The following TAF4 variants were observed in gnomAD, a reference collection of about 807,000 sequenced individuals.
TAF4 encodes transcription initiation factor TFIID subunit 4.
Under a neutral mutation model 90.3 loss-of-function variants are expected in TAF4, and 9 were observed. The observed-to-expected ratio is 0.10, with a 90% CI of 0.06 to 0.17. The LOEUF (loss-of-function observed/expected upper bound fraction) is 0.17, where lower values mean the gene tolerates loss of function less well. Among genes scored for constraint, TAF4 ranks in the 10% least tolerant of loss-of-function variants. TAF4 has a pLI of 1.00. For synonymous variants in TAF4, 818 were observed against 638.9 expected (o/e 1.28, Z -4.23); for missense variants, 1,351 against 1,370.7 (o/e 0.99, Z 0.23).
intron 14 of TAF4, among the ~76,000 whole-genome samples, chr20:61,985,946 C>CACCATCCCCAACCAAAGGAAA (rs1568922322): frequency 9.0e-6 from 1 of 111,054 alleles, no homozygotes; most frequent in Non-Finnish European, 1.9e-5. Flanking sequence ...ACCAAAGGAA[C>CACCATCCCCAACCAAAGGAAA]CACCATCCCC....
intron 1 of TAF4, among the ~76,000 whole-genome samples, chr20:62,043,638 C>T (rs1195742691): frequency 6.6e-6 from 1 of 152,110 alleles, no homozygotes; most frequent in Non-Finnish European, 1.5e-5. Context: ...TCTTTTATCC[C>T]CTAGTTTTAC....
At chr20:61,991,423 CA>C (rs2055630651) in intron 14 of TAF4, among the ~76,000 whole-genome samples, 1 of 146,528 alleles carries the variant, frequency 6.8e-6, no homozygotes, top group Non-Finnish European at 1.5e-5. Context: ...GACTCTGTCT[CA>C]AAAAATAAAA....
intron 14 of TAF4, among the ~76,000 whole-genome samples, chr20:61,987,023 G>A (rs1276553410): frequency 6.6e-6 from 1 of 152,148 alleles, no homozygotes; most frequent in Non-Finnish European, 1.5e-5. Context: ...CAGAGAAAAA[G>A]AGTAACTCGA....
Position 62,000,208 on chromosome 20 carries a change from A to G in TAF4, c.2703T>C (p.Tyr901=), listed in dbSNP as rs201337718. The part of the protein sequence containing the change: ...ITELHPDVVS[Y]VSHATQQRLQ... ...GCCTTTGTTGCGTGGCATGTGATAC[A>G]TAACTTACTACATCTGGATGTAATT... is the stretch of plus-strand genomic sequence containing the variant. The change falls in exon 11 of 15, where the codon TAT becomes TAC. Residue 901 remains tyrosine (Y), a synonymous_variant. Coordinates refer to ENST00000252996, the MANE Select transcript of TAF4 (RefSeq NM_003185.4). 18 of 1,614,262 alleles carry G rather than the reference A, an allele frequency of 1.1e-5. No homozygotes were observed. Among genetic ancestry groups the G allele is most frequent in the Non-Finnish European group, 1.4e-5 (17 of 1,180,036 alleles).
In TAF4 at chr20:61,997,665, T is replaced by A; in HGVS notation, c.2975A>T (p.Gln992Leu). The change falls in exon 14 of 15, where the codon CAG (glutamine) becomes CTG (leucine). Residue 992 changes from glutamine (Q) to leucine (L), a missense_variant. Gln to Leu is a moderately radical substitution (Grantham distance 113). Transcript: ENST00000252996. The part of the protein sequence containing the change: ...LRLKQKAKEM[Q>L]QQELAQMRQR... Reference sequence around the variant, plus strand: ...TCTCATTTGTGCCAGTTCCTGTTGCTGCATCTTTTATTTTGAAAAGGAGAC... The same window carrying A: ...TCTCATTTGTGCCAGTTCCTGTTGCAGCATCTTTTATTTTGAAAAGGAGAC... 1 of 1,610,674 alleles carries A rather than the reference T, an allele frequency of 6.2e-7. No homozygotes were observed. Among genetic ancestry groups the A allele is most frequent in the South Asian group, 1.1e-5 (1 of 90,188 alleles).
At chr20:62,064,153 C>T (rs1027544308) in intron 1 of TAF4, among the ~76,000 whole-genome samples, 2 of 152,236 alleles carry the variant, frequency 1.3e-5, no homozygotes, top group Non-Finnish European at 2.9e-5. Context: ...AGGTAAGGAC[C>T]ACTCCACTAA....
intron 1 of TAF4, among the ~76,000 whole-genome samples, chr20:62,029,427 T>C (rs1016179479): frequency 7.2e-5 from 11 of 151,976 alleles, no homozygotes; most frequent in Admixed American, 6.5e-4. Context: ...CAGAAGCCCT[T>C]CGAAGGGAGC....
intron 11 of TAF4, 101 bp from the exon 12 acceptor site, chr20:61,999,209 T>A (rs2055682628): frequency 6.8e-7 from 1 of 1,463,704 alleles, no homozygotes; most frequent in African/African-American, 1.4e-5. Flanking sequence ...ACGCCCTCCC[T>A]CCGTCCAGTC....
intron 1 of TAF4, among the ~76,000 whole-genome samples, chr20:62,052,823 A>G (rs1189025190): frequency 9.2e-5 from 10 of 108,898 alleles, no homozygotes; most frequent in Non-Finnish European, 1.9e-4. Flanking sequence ...ACAGTACCAG[A>G]TCCCTCGCGC....
chr20:62,003,065 G>T, intron 9 of TAF4, 95 bp downstream of exon 9: 1 of 1,057,412 alleles, frequency 9.5e-7, no homozygotes, highest in Non-Finnish European at 1.4e-6. Flanking sequence ...AGGGCCACGT[G>T]GGAAAGACCC....
intron 1 of TAF4, among the ~76,000 whole-genome samples, chr20:62,048,278 G>A (rs1240015495): frequency 6.6e-6 from 1 of 152,196 alleles, no homozygotes; most frequent in Non-Finnish European, 1.5e-5. Context: ...AAACCAAGAG[G>A]CAGCCCAGCC....
intron 1 of TAF4, among the ~76,000 whole-genome samples, chr20:62,062,475 G>C (rs1229642317): frequency 1.3e-5 from 2 of 152,062 alleles, no homozygotes; most frequent in African/African-American, 4.8e-5. Context: ...TCAACTGCAG[G>C]AGGCCATGAA....
chr20:62,027,904 TCCCTGCTGGGTGGGCTGCTCTC>T (rs1334078744), intron 1 of TAF4, among the ~76,000 whole-genome samples: 3 of 152,180 alleles, frequency 2.0e-5, no homozygotes, highest in Non-Finnish European at 4.4e-5. Context: ...CCCTCTCAGT[TCCCTGCTGGGTGGGCTGCTCTC>T]CCCTCACCTC....
At chr20:62,013,906 GGTGTGTGTGTGTGTGTGTGT>G (rs56801841) in intron 2 of TAF4, among the ~76,000 whole-genome samples, 10 of 107,406 alleles carry the variant, frequency 9.3e-5, no homozygotes, top group Admixed American at 2.9e-4. Flanking sequence ...GGCTGACGCG[GGTGTGTGTGTGTGTGTGTGT>G]GTGTGTGTGT....
intron 1 of TAF4, among the ~76,000 whole-genome samples, chr20:62,033,427 A>G (rs1410329153): frequency 6.6e-6 from 1 of 152,226 alleles, no homozygotes; most frequent in East Asian, 1.9e-4. Flanking sequence ...AAGCAAACAG[A>G]AAGCAACTTC....
chr20:62,045,217 T>C (rs567604922), intron 1 of TAF4, among the ~76,000 whole-genome samples: 1 of 152,320 alleles, frequency 6.6e-6, no homozygotes, highest in South Asian at 2.1e-4. Context: ...CGCTCAGGAC[T>C]GTCACAGGGA....
At chr20:61,979,874 G>A (rs1471850576) in intron 14 of TAF4, among the ~76,000 whole-genome samples, 8 of 152,172 alleles carry the variant, frequency 5.3e-5, no homozygotes, top group Non-Finnish European at 1.2e-4. Context: ...TGCGGCCCGT[G>A]CAGGCGCGAC....
chr20:62,013,589 G>A (rs1028699046), intron 2 of TAF4, among the ~76,000 whole-genome samples: 9 of 152,340 alleles, frequency 5.9e-5, no homozygotes, highest in South Asian at 4.1e-4. Context: ...GTCCGTCCAC[G>A]TCCCTGTCTA....
At chr20:62,064,168 C>T (rs1447996461) in intron 1 of TAF4, 1 of 360,192 alleles carries the variant, frequency 2.8e-6, no homozygotes, top group East Asian at 4.2e-5. Flanking sequence ...CACTAAGAGT[C>T]CTGGCTGAGC....
Sources: allele counts gnomAD v4.1 joint callset (sites outside exome capture counted in the v4.1 genomes callset), GRCh38; gene constraint gnomAD v4.1.1; transcripts MANE v1.5; gene names NCBI Gene and HGNC (gene_info 2026-07-23, HGNC 2026-07-21).